CCSER1: variants seen among roughly 807,000 people sequenced by gnomAD.
CCSER1 encodes the protein serine-rich coiled-coil domain-containing protein 1.
CCSER1 carries 41 observed loss-of-function variants against 82.0 expected under a neutral mutation model. The ratio of observed to expected loss-of-function variants is 0.50; its 90% CI spans 0.39 to 0.65. CCSER1 has a LOEUF of 0.65. Ranked by LOEUF, CCSER1 falls within the 30% of genes least tolerant of loss-of-function variation. The pLI, the probability that CCSER1 is intolerant of heterozygous loss-of-function variation, is 0.00. For synonymous variants in CCSER1, 414 were observed against 383.9 expected (o/e 1.08, Z -0.92); for missense variants, 1,119 against 1,064.2 (o/e 1.05, Z -0.72).
intron 8 of CCSER1, among the ~76,000 whole-genome samples, chr4:90,841,183 T>C (rs2149873956): frequency 6.6e-6 from 1 of 152,178 alleles, no homozygotes; most frequent in Middle Eastern, 3.4e-3. Context: ...AAAAACAAAG[T>C]TTATTAAAAT....
At chr4:91,474,838 C>T (rs1015869693) in intron 10 of CCSER1, among the ~76,000 whole-genome samples, 7 of 147,574 alleles carry the variant, frequency 4.7e-5, no homozygotes, top group Non-Finnish European at 7.5e-5. Flanking sequence ...CACACACACA[C>T]ATTGCCTTCC....
intron 9 of CCSER1, among the ~76,000 whole-genome samples, chr4:90,957,384 G>A (rs1192557512): frequency 6.8e-6 from 1 of 146,694 alleles, no homozygotes; most frequent in African/African-American, 2.5e-5. Flanking sequence ...ACAGGCGTGA[G>A]CCACCGTGCC....
At chr4:91,122,151 G>A (rs1196702259) in intron 10 of CCSER1, among the ~76,000 whole-genome samples, 1 of 151,642 alleles carries the variant, frequency 6.6e-6, no homozygotes, top group Non-Finnish European at 1.5e-5. Context: ...AAAGATGCTT[G>A]TCTTTAAAAG....
intron 1 of CCSER1, among the ~76,000 whole-genome samples, chr4:90,180,613 C>T (rs1383369601): frequency 1.3e-5 from 2 of 151,910 alleles, no homozygotes; most frequent in African/African-American, 4.8e-5. Flanking sequence ...TGTTTATCTC[C>T]TGTCTAAAAC....
chr4:91,258,926 C>T (rs1301720993), intron 10 of CCSER1, among the ~76,000 whole-genome samples: 2 of 152,030 alleles, frequency 1.3e-5, no homozygotes, highest in Non-Finnish European at 2.9e-5. Context: ...TACTATGTTT[C>T]TTCCTTTTCA....
intron 5 of CCSER1, among the ~76,000 whole-genome samples, chr4:90,606,969 A>G (rs998184403): frequency 2.0e-5 from 3 of 152,220 alleles, no homozygotes; most frequent in Non-Finnish European, 2.9e-5. Flanking sequence ...AGGTATTTTC[A>G]TAAGTTCCCT....
At chr4:91,253,477 T>C (rs1740425393) in intron 10 of CCSER1, among the ~76,000 whole-genome samples, 1 of 152,086 alleles carries the variant, frequency 6.6e-6, no homozygotes, top group Non-Finnish European at 1.5e-5. Flanking sequence ...GTAAAATGTA[T>C]ATGCTATCTA....
chr4:90,544,475 G>A (rs1329185465), intron 5 of CCSER1, among the ~76,000 whole-genome samples: 4 of 152,054 alleles, frequency 2.6e-5, no homozygotes, highest in East Asian at 1.9e-4. Context: ...GTGGAGTTAC[G>A]GACAACACTG....
At chr4:91,418,207 C>T (rs919411194) in intron 10 of CCSER1, among the ~76,000 whole-genome samples, 1 of 147,664 alleles carries the variant, frequency 6.8e-6, no homozygotes, top group Non-Finnish European at 1.5e-5. Context: ...CCAAAGTTAG[C>T]ATCAGGAAAG....
chr4:90,608,964 G>A (rs1334599149), intron 5 of CCSER1, among the ~76,000 whole-genome samples: 1 of 151,554 alleles, frequency 6.6e-6, no homozygotes, highest in Non-Finnish European at 1.5e-5. Flanking sequence ...TTTTCTCTAT[G>A]GGATTCTCTC....
At chr4:90,552,584 T>C (rs1334279891) in intron 5 of CCSER1, among the ~76,000 whole-genome samples, 6 of 151,650 alleles carry the variant, frequency 4.0e-5, no homozygotes, top group Admixed American at 6.6e-5. Flanking sequence ...CAGCCTCCCA[T>C]GTAGCTGGGA....
At chr4:90,757,586 C>T (rs989282086) in intron 7 of CCSER1, among the ~76,000 whole-genome samples, 13 of 152,174 alleles carry the variant, frequency 8.5e-5, no homozygotes, top group Admixed American at 3.9e-4. Context: ...CCTGGTTCTA[C>T]GTAGTGCTCC....
At position 91,296,466 on chromosome 4, in the gene CCSER1, TGTATATATATATA is replaced by T. The variant is rs1560573031; in HGVS notation, c.2217+210473_2217+210485del. Among the ~76,000 whole-genome samples, 30 of 51,280 alleles carry T rather than the reference TGTATATATATATA, an allele frequency of 5.9e-4. 1 individual carries two copies. Among genetic ancestry groups the T allele is most frequent in the African/African-American group, 2.2e-3 (29 of 13,432 alleles). 33.6% of individuals were successfully genotyped at this position (51,280 alleles called of 152,430 possible). On this transcript the variant is annotated intron_variant, in intron 10 of 10. Transcript: ENST00000509176. The stretch of plus-strand genomic sequence containing the variant: ...GTCTAACATTATATATATATATATA[TGTATATATATATA>T]TATATATTTTAATTAAATATACAGT...
intron 9 of CCSER1, among the ~76,000 whole-genome samples, chr4:90,947,517 A>T (rs571483522): frequency 8.5e-5 from 13 of 152,306 alleles, no homozygotes; most frequent in African/African-American, 3.1e-4. Context: ...TCAACATTTT[A>T]AAAAATATTT....
chr4:90,759,342 A>C (rs1308487071), intron 7 of CCSER1, among the ~76,000 whole-genome samples: 2 of 152,162 alleles, frequency 1.3e-5, no homozygotes, highest in Non-Finnish European at 2.9e-5. Context: ...GGATAACTAG[A>C]AAATTGAGTT....
In CCSER1 at chr4:90,932,984, GAAAGAA is replaced by G. The variant is rs1730240839; in HGVS notation, c.2172+9539_2172+9544del. On this transcript the variant is annotated intron_variant, in intron 9 of 10. Coordinates refer to ENST00000509176, the MANE Select transcript of CCSER1 (RefSeq NM_001145065.2). ...AAAGAAAGAAAGAAAGAAAGAAAGA[GAAAGAA>G]AGAAAGAAAGAAAGAAAGAAAGAAA... 2.1e-3 allele frequency among the ~76,000 whole-genome samples: 44 copies of G among 20,534 alleles called. 8 individuals are homozygous for G. Among genetic ancestry groups the G allele is most frequent in the Non-Finnish European group, 2.9e-3 (31 of 10,614 alleles). 13.5% of individuals were successfully genotyped at this position (20,534 alleles called of 152,430 possible). A position where few individuals can be genotyped will look rare whatever the true frequency, so the allele number is the denominator to read the frequency against.
intron 10 of CCSER1, among the ~76,000 whole-genome samples, chr4:91,272,119 G>T (rs927083449): frequency 7.9e-5 from 12 of 152,140 alleles, no homozygotes; most frequent in African/African-American, 2.4e-4. Context: ...TCTCTGGGTA[G>T]ATAGCCAATA....
chr4:91,507,158 C>T (rs879452926), intron 10 of CCSER1, among the ~76,000 whole-genome samples: 1 of 152,072 alleles, frequency 6.6e-6, no homozygotes, highest in African/African-American at 2.4e-5. Context: ...AGTAGAAATC[C>T]ATGATCACAT....
chr4:90,481,096 C>A (rs1012538863), intron 5 of CCSER1, among the ~76,000 whole-genome samples: 3 of 152,112 alleles, frequency 2.0e-5, no homozygotes, highest in Non-Finnish European at 4.4e-5. Flanking sequence ...TCCTTCACAT[C>A]CCTTGTAAGT....
Sources: allele counts gnomAD v4.1 joint callset (sites outside exome capture counted in the v4.1 genomes callset), GRCh38; gene constraint gnomAD v4.1.1; transcripts MANE v1.5; gene names NCBI Gene and HGNC (gene_info 2026-07-23, HGNC 2026-07-21).